Variants in TPRKB observed in about 807,000 individuals in gnomAD.
The protein encoded by TPRKB is TP53RK binding protein.
Under a neutral mutation model 17.8 loss-of-function variants are expected in TPRKB, and 11 were observed. The ratio of observed to expected loss-of-function variants is 0.62; its 90% confidence interval spans 0.39 to 1.02. The LOEUF (loss-of-function observed/expected upper bound fraction) is 1.02. TPRKB is among the 50% of genes least tolerant of loss of function. The pLI is 0.00. For missense variants in TPRKB, 228 were observed against 198.0 expected, an observed-to-expected ratio of 1.15 and a Z score of -0.91; for synonymous variants, 71 against 69.5, an observed-to-expected ratio of 1.02 and a Z score of -0.11.
intron 1 of TPRKB, 38 bp downstream of exon 1, chr2:73,737,264 C>T (rs1386898193): frequency 6.6e-6 from 1 of 152,290 alleles, no homozygotes; most frequent in Non-Finnish European, 1.5e-5. Flanking sequence ...GACCCTCCCG[C>T]TCCCGAGCCT....
chr2:73,735,430 T>A (rs979226841), intron 1 of TPRKB, among the ~76,000 whole-genome samples: 1 of 151,998 alleles, frequency 6.6e-6, no homozygotes, highest in Non-Finnish European at 1.5e-5. Flanking sequence ...GGCACATGTA[T>A]ACAGATGTAA....
intron 2 of TPRKB, 71 bp from the exon 3 acceptor site, chr2:73,732,356 A>C: frequency 2.5e-4 from 376 of 1,485,328 alleles, no homozygotes; most frequent in Non-Finnish European, 3.1e-4. Flanking sequence ...ATGGTAACTC[A>C]TGGTTAACTC....
chr2:73,734,976 C>A (rs1197496934), intron 1 of TPRKB, among the ~76,000 whole-genome samples: 1 of 152,180 alleles, frequency 6.6e-6, no homozygotes, highest in African/African-American at 2.4e-5. Context: ...CTGATCTCAT[C>A]ATTTTATTTA....
chr2:73,736,113 A>G (rs1191823856), intron 1 of TPRKB, among the ~76,000 whole-genome samples: 1 of 152,228 alleles, frequency 6.6e-6, no homozygotes, highest in East Asian at 1.9e-4. Flanking sequence ...AGTTAATGTT[A>G]TCTCTTATTT....
intron 3 of TPRKB, chr2:73,731,120 T>A (rs1671592316): frequency 6.2e-6 from 1 of 160,732 alleles, no homozygotes; most frequent in African/African-American, 2.4e-5. Context: ...TCTGCTCGCA[T>A]GTCCCTTCTC....
At chr2:73,730,853 C>T (rs1671575611) in intron 3 of TPRKB, 117 bp from the exon 4 acceptor site, 1 of 671,026 alleles carries the variant, frequency 1.5e-6, no homozygotes, top group African/African-American at 1.9e-5. Context: ...CATGTCCTAA[C>T]AGTTCTCACT....
In TPRKB at chr2:73,732,294, G is replaced by A. The variant is rs1242183130; in HGVS notation, c.142-9C>T. On this transcript the variant is annotated splice_polypyrimidine_tract_variant and intron_variant, in intron 2 of 4. Transcript: ENST00000272424. ...TGAAATGGATCAACAATCTACCAAAGCAAGGAAAAAGAATTAATTACACAT... is the reference window on the plus strand; with the variant it reads ...TGAAATGGATCAACAATCTACCAAAACAAGGAAAAAGAATTAATTACACAT... 1.9e-6 allele frequency: 3 copies of A among 1,607,924 alleles called. No individual in the cohort carries two copies. Among genetic ancestry groups the A allele is most frequent in the Admixed American group, 1.7e-5 (1 of 57,984 alleles).
At position 73,734,512 on chromosome 2, in the gene TPRKB, A is replaced by G. The variant is rs940664180; in HGVS notation, c.58T>C (p.Phe20Leu). The part of the protein sequence containing the change: ...FPECRVTLLL[F>L]KDVKNAGDLR... ...TCTCCCGCATTTTTTACATCTTTAA[A>G]TAACAGAAGGGTTACCCTGCATTCG... Residue 20 changes from phenylalanine to leucine, a missense_variant, in exon 2 of 5, where the codon TTT (phenylalanine) becomes CTT (leucine). Phe to Leu is a conservative substitution (Grantham distance 22). Coordinates refer to ENST00000272424, the MANE Select transcript of TPRKB (RefSeq NM_016058.5). 3 of 1,614,034 alleles carry G rather than the reference A, an allele frequency of 1.9e-6. No individual in the cohort carries two copies. In the African/African-American group the frequency reaches 4.0e-5, roughly 22 times the overall value.
chr2:73,730,977 G>A (rs868241934), intron 3 of TPRKB: 2 of 316,604 alleles, frequency 6.3e-6, no homozygotes, highest in East Asian at 1.2e-4. Flanking sequence ...GCCTCTTGGC[G>A]CTGCACAAAA....
intron 3 of TPRKB, 186 bp downstream of exon 3, chr2:73,731,977 T>C (rs1671631798): frequency 5.7e-6 from 3 of 526,586 alleles, no homozygotes; most frequent in South Asian, 8.6e-5. Context: ...AATTTTTGTT[T>C]ACTCATATGT....
At chr2:73,732,355 CAT>C in intron 2 of TPRKB, 70 bp from the exon 3 acceptor site, 7 of 1,496,232 alleles carry the variant, frequency 4.7e-6, no homozygotes, top group Non-Finnish European at 5.5e-6. Context: ...CATGGTAACT[CAT>C]GGTTAACTCC....
rs1196333552 is a variant in TPRKB, at chr2:73,732,180, G to C, written c.247C>G (p.Leu83Val). Residue 83 changes from leucine (L) to valine (V), a missense_variant, in exon 3 of 5, where the codon CTT (leucine) becomes GTT (valine). Physicochemically the swap from Leu to Val is conservative, Grantham distance 32. Coordinates refer to ENST00000272424, the MANE Select transcript of TPRKB (RefSeq NM_016058.5). ...RTLSTEIIFN[L>V]SPNNNISEAL... is the part of the protein sequence containing the mutation. ...CACATTACATTGTTATTTGGGGAAAGGTTGAAAATAATTTCAGTAGATAGA... is the reference window on the plus strand; with the variant it reads ...CACATTACATTGTTATTTGGGGAAACGTTGAAAATAATTTCAGTAGATAGA... The C allele has an allele frequency of 1.9e-6, 3 of 1,613,526 alleles. No homozygotes were observed. Among genetic ancestry groups the C allele is most frequent in the Admixed American group, 1.7e-5 (1 of 59,876 alleles).
At chr2:73,735,503 A>G (rs750429906) in intron 1 of TPRKB, among the ~76,000 whole-genome samples, 2 of 152,210 alleles carry the variant, frequency 1.3e-5, no homozygotes, top group Non-Finnish European at 2.9e-5. Context: ...AAAAAAGGAT[A>G]AAGTATCCCA....
At chr2:73,731,601 C>T (rs568599205) in intron 3 of TPRKB, among the ~76,000 whole-genome samples, 10 of 152,308 alleles carry the variant, frequency 6.6e-5, no homozygotes, top group Admixed American at 1.3e-4. Flanking sequence ...ACTTCATCAG[C>T]AAAATTGCAG....
chr2:73,731,909 G>A (rs1454480363), intron 3 of TPRKB: 2 of 290,488 alleles, frequency 6.9e-6, no homozygotes, highest in African/African-American at 4.3e-5. Flanking sequence ...ATACTTGAGG[G>A]GTCTTCCTGA....
chr2:73,730,588 T>G lies in TPRKB; in HGVS notation c.413A>C (p.Glu138Ala). Residue 138 changes from glutamate (E) to alanine (A), a missense_variant, in exon 4 of 5, where the codon GAA becomes GCA. Glu to Ala is a moderately radical substitution (Grantham distance 107, BLOSUM62 -1). Coordinates refer to ENST00000272424, the MANE Select transcript of TPRKB (RefSeq NM_016058.5). ...GHQVSLKNLP[E>A]IMNITEVKKI... ...TTTGACTTCTGTAATATTCATTATTTCAGGAAGATTTTTCAGAGAAACCTG... is the reference window on the plus strand; with the variant it reads ...TTTGACTTCTGTAATATTCATTATTGCAGGAAGATTTTTCAGAGAAACCTG... 1 of 1,591,038 alleles carries G rather than the reference T, an allele frequency of 6.3e-7. No homozygotes were observed. The highest frequency in any genetic ancestry group is 1.4e-5 in the African/African-American group (1 of 73,444).
In TPRKB at chr2:73,737,335, C is replaced by T. The variant is rs1265186084; in HGVS notation, c.-56G>A. On this transcript the variant is annotated 5_prime_UTR_variant, in exon 1 of 5. Transcript: ENST00000272424. Reference sequence around the variant, plus strand: ...CCCCAGTGCGTCTCGGAAGAGCTCCCGCTCCGAAACAAAGCTCACAACTTC... The same window carrying T: ...CCCCAGTGCGTCTCGGAAGAGCTCCTGCTCCGAAACAAAGCTCACAACTTC... 1 of 152,238 alleles carries T rather than the reference C, an allele frequency of 6.6e-6. No individual in the cohort carries two copies. The highest frequency in any genetic ancestry group is 1.5e-5 in the Non-Finnish European group (1 of 68,062). 9.4% of individuals were successfully genotyped at this position (152,238 alleles called of 1,614,324 possible).
At chr2:73,734,138 G>A (rs373057325) in intron 2 of TPRKB, among the ~76,000 whole-genome samples, 6 of 149,220 alleles carry the variant, frequency 4.0e-5, no homozygotes, top group Non-Finnish European at 3.0e-5. Context: ...TTTGCTCGTC[G>A]CCCAGGCTGG....
intron 2 of TPRKB, among the ~76,000 whole-genome samples, chr2:73,734,187 C>T (rs1486528573): frequency 6.6e-6 from 1 of 151,980 alleles, no homozygotes; most frequent in East Asian, 1.9e-4. Context: ...CAACCTCTGC[C>T]TCCAGGGTTC....
Sources: gnomAD v4.1 joint callset for allele counts (sites outside exome capture counted in the v4.1 genomes callset) on GRCh38, gnomAD v4.1.1 for gene constraint, MANE v1.5 for transcripts, NCBI Gene and HGNC (gene_info 2026-07-23, HGNC 2026-07-21) for gene names.